Variants in BBS9 observed in about 807,000 individuals in gnomAD.
BBS9 encodes the protein Bardet-Biedl syndrome 9.
In BBS9, 89 loss-of-function variants were observed where a neutral mutation model predicts 117.7. That is an observed-to-expected ratio of 0.76 (90% CI 0.64 to 0.90). The LOEUF (loss-of-function observed/expected upper bound fraction) is 0.90, where lower values mean the gene tolerates loss of function less well. Among genes scored for constraint, BBS9 ranks in the 40% least tolerant of loss-of-function variants. The probability of loss-of-function intolerance (pLI) is 0.00; values close to 1 mark genes in which losing one functional copy is unlikely to be tolerated. For synonymous variants in BBS9, 379 were observed against 370.9 expected (o/e 1.02, Z -0.25); for missense variants, 982 against 1,042.2 (o/e 0.94, Z 0.80).
Position 33,480,870 on chromosome 7 carries a change from G to A in BBS9, c.2116-24593G>A, listed in dbSNP as rs184845526. 2.5e-3 allele frequency among the ~76,000 whole-genome samples: 377 copies of A among 152,278 alleles called. 5 individuals are homozygous for A. The South Asian group carries it at 0.034, about 14-fold the overall frequency. Reference sequence around the variant, plus strand: ...AGTTTCTCATGATGTTCTCATGATAGTGAGTTCTCAGGAGAGCTGATGGTT... The same window carrying A: ...AGTTTCTCATGATGTTCTCATGATAATGAGTTCTCAGGAGAGCTGATGGTT... On this transcript the variant is annotated intron_variant, in intron 19 of 22. Transcript: ENST00000242067.
chr7:33,280,736 C>T lies in BBS9; in HGVS notation c.1016+6780C>T, dbSNP rs536436052. Among the ~76,000 whole-genome samples, 5 of 152,180 alleles carry T rather than the reference C, an allele frequency of 3.3e-5. 1 individual carries two copies. In the South Asian group the frequency reaches 1.0e-3, roughly 32 times the overall value. On this transcript the variant is annotated intron_variant, in intron 9 of 22. Transcript: ENST00000242067. ...TTATGTGTCAGGGGAAGAGCTGTGG[C>T]TCTAAAGACCTTATAAGATCTCTTA...
At position 33,565,844 on chromosome 7, in the gene BBS9, T is replaced by TATATATATATA. The variant is rs5883407; in HGVS notation, c.2521+31668_2521+31669insATATATATATA. 7.7e-4 allele frequency among the ~76,000 whole-genome samples: 62 copies of TATATATATATA among 80,002 alleles called. 1 individual carries two copies. The highest frequency in any genetic ancestry group is 1.9e-3 in the African/African-American group (38 of 19,526). The allele number at this position is 80,002 out of a possible 152,430, so 52.5% of individuals were successfully genotyped here. On this transcript the variant is annotated intron_variant, in intron 21 of 22. Coordinates refer to ENST00000242067, the MANE Select transcript of BBS9 (RefSeq NM_198428.3). The stretch of plus-strand genomic sequence containing the variant: ...ATATATATACCGCTATATATACTGC[T>TATATATATATA]TATATATATATATATATATATATAT...
Position 33,146,275 on chromosome 7 carries a change from A to T in BBS9, c.23A>T (p.Asp8Val), listed in dbSNP as rs1308528209. MSLFKAR[D>V]WWSTILGDKE... is the part of the protein sequence containing the mutation. ...AAAATGTCTTTATTTAAAGCCCGTG[A>T]TTGGTGGTCTACTATTCTGGGAGAT... is the stretch of plus-strand genomic sequence containing the variant. Residue 8 changes from aspartate to valine, a missense_variant, in exon 2 of 23, where the codon GAT (aspartate) becomes GTT (valine). By Grantham distance (152) the Asp-to-Val change is radical (BLOSUM62 -3). Coordinates refer to ENST00000242067, the MANE Select transcript of BBS9 (RefSeq NM_198428.3). 9 of 1,613,738 alleles carry T rather than the reference A, an allele frequency of 5.6e-6. No homozygotes were observed. Among genetic ancestry groups the T allele is most frequent in the Non-Finnish European group, 7.6e-6 (9 of 1,179,786 alleles).
At chr7:33,456,081 G>T (rs369977324) in intron 19 of BBS9, among the ~76,000 whole-genome samples, 4 of 152,270 alleles carry the variant, frequency 2.6e-5, no homozygotes, top group Admixed American at 6.5e-5. Flanking sequence ...AGATGTGAGT[G>T]TTATGTAATA....
intron 5 of BBS9, among the ~76,000 whole-genome samples, chr7:33,247,621 T>C (rs915864812): frequency 6.6e-6 from 1 of 152,196 alleles, no homozygotes; most frequent in Non-Finnish European, 1.5e-5. Context: ...TAAATTACTT[T>C]AATATATCTC....
chr7:33,187,735 G>A (rs1783353591), intron 5 of BBS9, among the ~76,000 whole-genome samples: 1 of 151,908 alleles, frequency 6.6e-6, no homozygotes, highest in South Asian at 2.1e-4. Context: ...CCTGGCCAAC[G>A]TGGTAAAACC....
At chr7:33,408,176 C>T (rs1220730840) in intron 19 of BBS9, among the ~76,000 whole-genome samples, 1 of 152,170 alleles carries the variant, frequency 6.6e-6, no homozygotes, top group African/African-American at 2.4e-5. Flanking sequence ...TGCCACCTTG[C>T]AGTTTGATCT....
At position 33,443,321 on chromosome 7, in the gene BBS9, A is replaced by C. The variant is rs112523596; in HGVS notation, c.2115+55177A>C. On this transcript the variant is annotated intron_variant, in intron 19 of 22. Transcript: ENST00000242067. ...GCTTGTTCATAAAGAGAAATCTGGA[A>C]AAGTTAATTCCTTCATATTCTGAGA... Among the ~76,000 whole-genome samples the C allele has an allele frequency of 3.9e-4, 60 of 152,276 alleles. 1 individual carries two copies. Among genetic ancestry groups the C allele is most frequent in the African/African-American group, 1.4e-3 (57 of 41,550 alleles).
At chr7:33,374,896 C>T (rs371161088) in intron 17 of BBS9, among the ~76,000 whole-genome samples, 10 of 123,322 alleles carry the variant, frequency 8.1e-5, no homozygotes, top group African/African-American at 9.7e-5. Context: ...AGTGAAACTC[C>T]GTCTCAAAAA....
At chr7:33,242,658 TACTTA>T (rs1370842454) in intron 5 of BBS9, among the ~76,000 whole-genome samples, 4 of 152,168 alleles carry the variant, frequency 2.6e-5, no homozygotes, top group African/African-American at 7.2e-5. Context: ...ACTTGTCCCC[TACTTA>T]TTGTTTGATT....
In BBS9 at chr7:33,205,509, G is replaced by T. The variant is rs560726857; in HGVS notation, c.442+27918G>T. Among the ~76,000 whole-genome samples the T allele has an allele frequency of 2.6e-5, 4 of 152,180 alleles. No individual in the cohort carries two copies. The East Asian group carries it at 5.8e-4, about 22-fold the overall frequency. ...TACTGGAAAATTTCTTTTTGTAACTGTTTTTTAAGGATACCCCTAAGTGGG... is the reference window on the plus strand; with the variant it reads ...TACTGGAAAATTTCTTTTTGTAACTTTTTTTTAAGGATACCCCTAAGTGGG... On this transcript the variant is annotated intron_variant, in intron 5 of 22. Coordinates refer to ENST00000242067, the MANE Select transcript of BBS9 (RefSeq NM_198428.3).
At chr7:33,141,662 T>A (rs1169811873) in intron 1 of BBS9, among the ~76,000 whole-genome samples, 1 of 152,210 alleles carries the variant, frequency 6.6e-6, no homozygotes, top group Non-Finnish European at 1.5e-5. Flanking sequence ...ATAGATTTGA[T>A]TTGGATTTTA....
At chr7:33,253,231 GATCTTT>G (rs1796502119) in intron 5 of BBS9, among the ~76,000 whole-genome samples, 1 of 152,202 alleles carries the variant, frequency 6.6e-6, no homozygotes, top group Admixed American at 6.5e-5. Flanking sequence ...ATGCTGGATG[GATCTTT>G]AGGCTCAGAT....
intron 5 of BBS9, among the ~76,000 whole-genome samples, chr7:33,228,091 C>G (rs759404560): frequency 9.2e-5 from 14 of 152,124 alleles, no homozygotes; most frequent in Non-Finnish European, 1.8e-4. Flanking sequence ...TACATTCTCA[C>G]CAGCAGTGTA....
At chr7:33,181,267 A>G (rs1223658377) in intron 5 of BBS9, among the ~76,000 whole-genome samples, 1 of 152,192 alleles carries the variant, frequency 6.6e-6, no homozygotes, top group Non-Finnish European at 1.5e-5. Context: ...GACACTTCTA[A>G]TATGAGAAAT....
chr7:33,465,909 T>C (rs2128942629), intron 19 of BBS9, among the ~76,000 whole-genome samples: 1 of 152,292 alleles, frequency 6.6e-6, no homozygotes, highest in Admixed American at 6.5e-5. Flanking sequence ...TTTCTTACTA[T>C]ATTTGATGAA....
At chr7:33,269,452 G>A (rs1341717247) in intron 7 of BBS9, among the ~76,000 whole-genome samples, 1 of 152,128 alleles carries the variant, frequency 6.6e-6, no homozygotes, top group Non-Finnish European at 1.5e-5. Context: ...TCTCTCTTGG[G>A]TGAAGCCCCA....
intron 19 of BBS9, among the ~76,000 whole-genome samples, chr7:33,454,712 C>G (rs1015926897): frequency 2.6e-5 from 4 of 152,188 alleles, no homozygotes; most frequent in Non-Finnish European, 5.9e-5. Context: ...TTGTGCACAC[C>G]TGCTATATAG....
At chr7:33,360,634 C>T (rs1190922864) in intron 16 of BBS9, among the ~76,000 whole-genome samples, 1 of 151,442 alleles carries the variant, frequency 6.6e-6, no homozygotes, top group Non-Finnish European at 1.5e-5. Flanking sequence ...AATCCTCCCA[C>T]CTTAGCCTCT....
Sources: gnomAD v4.1 joint callset for allele counts (sites outside exome capture counted in the v4.1 genomes callset) on GRCh38, gnomAD v4.1.1 for gene constraint, MANE v1.5 for transcripts, NCBI Gene and HGNC (gene_info 2026-07-23, HGNC 2026-07-21) for gene names.